The following SETX variants were observed in gnomAD, a reference collection of about 807,000 sequenced individuals.
SETX encodes senataxin.
SETX carries 90 observed loss-of-function variants against 227.2 expected under a neutral mutation model. That is an observed-to-expected ratio of 0.40 (90% confidence interval 0.33 to 0.47). The LOEUF (loss-of-function observed/expected upper bound fraction) is 0.47. Ranked by LOEUF, SETX falls within the 20% of genes least tolerant of loss-of-function variation. The pLI is 0.91. For synonymous variants in SETX, 1,210 were observed against 1,113.2 expected, an observed-to-expected ratio of 1.09 and a Z score of -1.73; for missense variants, 3,052 against 3,181.5, an observed-to-expected ratio of 0.96 and a Z score of 0.98.
At chr9:132,337,001 G>T (rs1485764876) in intron 5 of SETX, among the ~76,000 whole-genome samples, 2 of 152,176 alleles carry the variant, frequency 1.3e-5, no homozygotes, top group African/African-American at 4.8e-5. Context: ...GGTGGGGAAA[G>T]GTTGCAGTGA....
In SETX at chr9:132,264,351, C is replaced by T. The variant is rs1842519402; in HGVS notation, c.7922G>A (p.Gly2641Glu). ...CTCGGAACCACACTTCTCCTGCTCC[C>T]CTTCACTGAAAGCCCTGGCCTCTCT... is the stretch of plus-strand genomic sequence containing the variant. Reference protein sequence around the residue: ...HRREARAFSEGEQEKCGSETH... With the variant: ...HRREARAFSEEEQEKCGSETH... The change falls in exon 26 of 26, where the codon GGG (glycine) becomes GAG (glutamate). Residue 2641 changes from glycine (G) to glutamate (E), a missense_variant. Gly to Glu is a moderately conservative substitution (Grantham distance 98, BLOSUM62 -2). Around this residue, in one of 10 missense-constraint regions of SETX, gnomAD observed 294 missense variants for 278.8 expected, o/e 1.05. Transcript: ENST00000224140. 1 of 1,614,118 alleles carries T rather than the reference C, an allele frequency of 6.2e-7. No homozygotes were observed. The highest frequency in any genetic ancestry group is 1.7e-5 in the Admixed American group (1 of 60,008).
At chr9:132,352,099 T>C (rs1355541445) in intron 2 of SETX, among the ~76,000 whole-genome samples, 1 of 152,190 alleles carries the variant, frequency 6.6e-6, no homozygotes, top group Non-Finnish European at 1.5e-5. Flanking sequence ...ATTCACTACC[T>C]CCCAGCTCTT....
At position 132,341,665 on chromosome 9, in the gene SETX, A is replaced by G. The variant is rs1043629025; in HGVS notation, c.498+1025T>C. 2.0e-5 allele frequency among the ~76,000 whole-genome samples: 3 copies of G among 152,326 alleles called. No individual in the cohort carries two copies. In the East Asian group the frequency reaches 5.8e-4, roughly 29 times the overall value. ...TCCTCCATATGTAAACAGCTTTTAA[A>G]AAGCCAGTGAACCTTTTTAATACTT... On this transcript the variant is annotated intron_variant, in intron 5 of 25. Coordinates refer to ENST00000224140, the MANE Select transcript of SETX (RefSeq NM_015046.7).
At chr9:132,268,725 T>G (rs1842761905) in intron 25 of SETX, among the ~76,000 whole-genome samples, 1 of 152,244 alleles carries the variant, frequency 6.6e-6, no homozygotes, top group Non-Finnish European at 1.5e-5. Flanking sequence ...AATGTCAATA[T>G]TGATAATACA....
chr9:132,336,685 TAAAC>T (rs1847643236), intron 5 of SETX, among the ~76,000 whole-genome samples, 170 bp from the exon 6 acceptor site: 1 of 152,208 alleles, frequency 6.6e-6, no homozygotes, highest in Admixed American at 6.5e-5. Flanking sequence ...TAACCCCTAA[TAAAC>T]AGTTTTAGAC....
Position 132,298,191 on chromosome 9 carries a change from C to G in SETX, c.5670G>C (p.Leu1890Phe), listed in dbSNP as rs1416161876. Residue 1890 changes from leucine (L) to phenylalanine (F), a missense_variant, in exon 13 of 26, where the codon TTG becomes TTC. Physicochemically the swap from Leu to Phe is conservative, Grantham distance 22. Transcript: ENST00000224140. ...GACTACCCAACAGAGACATGGCTTTCAACTTCCTTTGTGTAGTTACCAGAG... is the reference window on the plus strand; with the variant it reads ...GACTACCCAACAGAGACATGGCTTTGAACTTCCTTTGTGTAGTTACCAGAG... ...ISSLVTTQRK[L>F]KAMSLLGSRN... is the part of the protein sequence containing the mutation. 2.5e-6 allele frequency: 4 copies of G among 1,613,970 alleles called. No individual in the cohort carries two copies. Among genetic ancestry groups the G allele is most frequent in the Non-Finnish European group, 3.4e-6 (4 of 1,180,000 alleles).
At chr9:132,350,322 C>G (rs534120772) in intron 2 of SETX, among the ~76,000 whole-genome samples, 45 of 152,236 alleles carry the variant, frequency 3.0e-4, no homozygotes, top group Non-Finnish European at 4.9e-4. Context: ...TGCACTCCAG[C>G]CTGGGTGACA....
intron 10 of SETX, among the ~76,000 whole-genome samples, chr9:132,314,463 A>T (rs1845850987): frequency 6.6e-6 from 1 of 152,142 alleles, no homozygotes; most frequent in South Asian, 2.1e-4. Context: ...ACCTGAGGTG[A>T]TCTACCCACC....
intron 12 of SETX, among the ~76,000 whole-genome samples, chr9:132,299,765 C>G (rs1844878084): frequency 1.3e-5 from 2 of 152,110 alleles, no homozygotes; most frequent in Non-Finnish European, 2.9e-5. Context: ...TACTTAACAT[C>G]CCTGAACCAT....
intron 4 of SETX, among the ~76,000 whole-genome samples, chr9:132,344,621 T>C (rs534733675): frequency 2.0e-5 from 3 of 152,354 alleles, no homozygotes; most frequent in East Asian, 3.9e-4. Context: ...ACACCTGTAA[T>C]CTCAGCACTT....
Position 132,349,274 on chromosome 9 carries a change from T to C in SETX, c.155A>G (p.Asp52Gly), listed in dbSNP as rs1848476749. The C allele has an allele frequency of 2.5e-6, 4 of 1,614,104 alleles. No homozygotes were observed. The highest frequency in any genetic ancestry group is 3.4e-6 in the Non-Finnish European group (4 of 1,180,038). The change falls in exon 3 of 26, where the codon GAT (aspartate) becomes GGT (glycine). Residue 52 changes from aspartate to glycine, a missense_variant. Around this residue, in one of 10 missense-constraint regions of SETX, gnomAD observed 152 missense variants for 156.2 expected, o/e 0.97. Transcript: ENST00000224140. Reference sequence around the variant, plus strand: ...TACCTCATGCAAGAATGGCAATTCATCTCTTGCTTTGTGGTACTCAGCCAC... The same window carrying C: ...TACCTCATGCAAGAATGGCAATTCACCTCTTGCTTTGTGGTACTCAGCCAC... ...ECVAEYHKARDELPFLHEVLW... is the reference protein window; with the variant it reads ...ECVAEYHKARGELPFLHEVLW...
At chr9:132,292,029 T>C (rs1432058041) in intron 15 of SETX, among the ~76,000 whole-genome samples, 3 of 152,190 alleles carry the variant, frequency 2.0e-5, no homozygotes, top group East Asian at 1.9e-4. Flanking sequence ...TAATTACTGA[T>C]TTAGATAAAA....
chr9:132,349,480 C>A, intron 2 of SETX, 45 bp from the exon 3 acceptor site: 2 of 1,589,184 alleles, frequency 1.3e-6, no homozygotes, highest in Admixed American at 1.7e-5. Context: ...CAACTTCAGA[C>A]CTACTGTGTG....
chr9:132,344,869 T>TA (rs10612492), intron 4 of SETX, among the ~76,000 whole-genome samples: 2,890 of 139,286 alleles, frequency 0.021, 44 homozygotes, highest in Middle Eastern at 0.061. Flanking sequence ...TGAGACTCTT[T>TA]AAAAAAAAAA....
At chr9:132,308,349 C>T (rs966665658) in intron 11 of SETX, among the ~76,000 whole-genome samples, 2 of 152,158 alleles carry the variant, frequency 1.3e-5, no homozygotes, top group African/African-American at 4.8e-5. Context: ...GACAGAGACA[C>T]ATTCTAAACA....
intron 15 of SETX, among the ~76,000 whole-genome samples, chr9:132,292,854 G>A (rs2131270131): frequency 6.6e-6 from 1 of 152,130 alleles, no homozygotes; most frequent in Non-Finnish European, 1.5e-5. Context: ...AGCCAGGATG[G>A]TTTCGATCTC....
chr9:132,297,234 G>A (rs1844725064), intron 13 of SETX, among the ~76,000 whole-genome samples, 180 bp from the exon 14 acceptor site: 1 of 152,156 alleles, frequency 6.6e-6, no homozygotes, highest in Non-Finnish European at 1.5e-5. Flanking sequence ...TTCACTACTG[G>A]AAAGAAAGCT....
rs771481623 is a variant in SETX, at chr9:132,346,447, G to C, written c.202C>G (p.Arg68Gly). ...HEVLWELETL[R>G]LINHFEKSMK... ...GATTTTTCAAAGTGATTTATGAGAC[G>C]TAAGGTTTCTAATTCCCATAAAACC... is the stretch of plus-strand genomic sequence containing the variant. The change falls in exon 4 of 26, where the codon CGT (arginine) becomes GGT (glycine). Residue 68 changes from arginine to glycine, a missense_variant. Transcript: ENST00000224140. 1 of 1,612,016 alleles carries C rather than the reference G, an allele frequency of 6.2e-7. No homozygotes were observed.
chr9:132,284,399 T>TA (rs1293883135), intron 18 of SETX, among the ~76,000 whole-genome samples: 2 of 152,226 alleles, frequency 1.3e-5, no homozygotes, highest in African/African-American at 4.8e-5. Context: ...AAATATGCAT[T>TA]AAATTCAACT....
Sources: gnomAD v4.1 joint callset for allele counts (sites outside exome capture counted in the v4.1 genomes callset) on GRCh38, gnomAD v4.1.1 for gene constraint, gnomAD v4.1.1 regional missense constraint, MANE v1.5 for transcripts, NCBI Gene and HGNC (gene_info 2026-07-23, HGNC 2026-07-21) for gene names.